Variants in LRP1B observed in about 807,000 individuals in gnomAD.
The protein encoded by LRP1B is low-density lipoprotein receptor-related protein 1B.
A neutral mutation model predicts 556.6 loss-of-function variants in LRP1B; 217 were observed. That is an observed-to-expected ratio of 0.39 (90% CI 0.35 to 0.44). The LOEUF (loss-of-function observed/expected upper bound fraction) is 0.44, where lower values mean the gene tolerates loss of function less well. Ranked by LOEUF, LRP1B falls within the 20% of genes least tolerant of loss-of-function variation. The pLI is 1.00. For missense variants in LRP1B, 5,053 were observed against 5,620.8 expected, an observed-to-expected ratio of 0.90 and a Z score of 3.23; for synonymous variants, 2,047 against 1,865.8, an observed-to-expected ratio of 1.10 and a Z score of -2.50.
intron 2 of LRP1B, among the ~76,000 whole-genome samples, chr2:141,497,492 C>A (rs1399877846): frequency 3.3e-5 from 5 of 151,994 alleles, no homozygotes; most frequent in African/African-American, 1.2e-4. Flanking sequence ...CCTAGAATAA[C>A]TGAATAAGGA....
chr2:140,895,316 T>G (rs1375042905), intron 23 of LRP1B, among the ~76,000 whole-genome samples: 1 of 152,206 alleles, frequency 6.6e-6, no homozygotes, highest in African/African-American at 2.4e-5. Context: ...AATTTGCCAG[T>G]GGGCTGCCGA....
At chr2:142,059,411 T>C (rs1704812315) in intron 1 of LRP1B, among the ~76,000 whole-genome samples, 1 of 152,130 alleles carries the variant, frequency 6.6e-6, no homozygotes, top group Admixed American at 6.6e-5. Flanking sequence ...CCTATAAAAA[T>C]GAGTTTATGT....
chr2:140,536,000 G>T (rs1159095771), intron 46 of LRP1B, among the ~76,000 whole-genome samples: 1 of 152,080 alleles, frequency 6.6e-6, no homozygotes, highest in Non-Finnish European at 1.5e-5. Context: ...ATGTGCTATT[G>T]TCTGTTGGTG....
chr2:140,362,981 G>T (rs1330834669), intron 72 of LRP1B, among the ~76,000 whole-genome samples: 1 of 151,618 alleles, frequency 6.6e-6, no homozygotes. Context: ...ATGAATGAAT[G>T]AATGACACCT....
Position 140,965,083 on chromosome 2 carries a change from A to T in LRP1B, c.2888-13143T>A, listed in dbSNP as rs75426015. 2.7e-3 allele frequency among the ~76,000 whole-genome samples: 410 copies of T among 152,350 alleles called. 1 individual carries two copies. The highest frequency in any genetic ancestry group is 3.1e-3 in the Non-Finnish European group (213 of 68,042). On this transcript the variant is annotated intron_variant, in intron 18 of 90. Transcript: ENST00000389484. Reference sequence around the variant, plus strand: ...GGTTGCACATGAGAATCACGTGAACAGGTTTTAAAAATTACCCATGCCTGA... The same window carrying T: ...GGTTGCACATGAGAATCACGTGAACTGGTTTTAAAAATTACCCATGCCTGA...
chr2:141,777,342 G>A (rs760543070), intron 2 of LRP1B, among the ~76,000 whole-genome samples: 1 of 152,162 alleles, frequency 6.6e-6, no homozygotes, highest in Non-Finnish European at 1.5e-5. Flanking sequence ...TAGGAAATTA[G>A]AGTAGAACAA....
chr2:142,112,187 G>A (rs984638395), intron 1 of LRP1B, among the ~76,000 whole-genome samples: 2 of 151,930 alleles, frequency 1.3e-5, no homozygotes, highest in African/African-American at 4.8e-5. Context: ...TCTAGTCTAG[G>A]CGATAGATCT....
At position 141,286,985 on chromosome 2, in the gene LRP1B, C is replaced by T. The variant is rs1056976116; in HGVS notation, c.344-32344G>A. On this transcript the variant is annotated intron_variant, in intron 3 of 90. Coordinates refer to ENST00000389484, the MANE Select transcript of LRP1B (RefSeq NM_018557.3). ...TTTAATTTTAGTTAATTTAAATAGC[C>T]GTATGTAGTTGGGGCAAACCATGAT... 8.5e-5 allele frequency among the ~76,000 whole-genome samples: 13 copies of T among 152,180 alleles called. No individual in the cohort carries two copies. The East Asian group carries it at 9.7e-4, about 11-fold the overall frequency.
chr2:140,412,293 A>G (rs1463937381), intron 66 of LRP1B, among the ~76,000 whole-genome samples: 1 of 152,142 alleles, frequency 6.6e-6, no homozygotes, highest in Non-Finnish European at 1.5e-5. Context: ...CGTCTGAGAT[A>G]GTTGACAATT....
chr2:140,331,686 C>T (rs1017754872), intron 79 of LRP1B, among the ~76,000 whole-genome samples: 3 of 143,070 alleles, frequency 2.1e-5, no homozygotes, highest in African/African-American at 5.1e-5. Flanking sequence ...TATATATATA[C>T]ATATATATAT....
intron 3 of LRP1B, among the ~76,000 whole-genome samples, chr2:141,349,392 A>G (rs954250590): frequency 6.6e-6 from 1 of 152,052 alleles, no homozygotes; most frequent in African/African-American, 2.4e-5. Flanking sequence ...TTTAAAGTAA[A>G]TGAGGAGAAA....
Position 141,015,774 on chromosome 2 carries a change from A to C in LRP1B, c.2112T>G (p.Phe704Leu). The change falls in exon 13 of 91, where the codon TTT becomes TTG. Residue 704 changes from phenylalanine to leucine, a missense_variant. Phe to Leu is a conservative substitution (Grantham distance 22). Transcript: ENST00000389484. ...CACACCAGTATAATGTGTTGGTGTGAAAGTCCAGAGTTAAACCGTTTGGCC... is the reference window on the plus strand; with the variant it reads ...CACACCAGTATAATGTGTTGGTGTGCAAGTCCAGAGTTAAACCGTTTGGCC... Reference protein sequence around the residue: ...MLWPNGLTLDFHTNTLYWCDA... With the variant: ...MLWPNGLTLDLHTNTLYWCDA... 1 of 1,613,560 alleles carries C rather than the reference A, an allele frequency of 6.2e-7. No homozygotes were observed. Among genetic ancestry groups the C allele is most frequent in the East Asian group, 2.2e-5 (1 of 44,706 alleles).
At chr2:140,365,425 A>G (rs903299808) in intron 71 of LRP1B, among the ~76,000 whole-genome samples, 2 of 151,756 alleles carry the variant, frequency 1.3e-5, no homozygotes, top group African/African-American at 4.8e-5. Flanking sequence ...TCAGGAATAC[A>G]AAAATATTCT....
chr2:141,735,225 G>C (rs566397961), intron 2 of LRP1B, among the ~76,000 whole-genome samples: 7 of 151,954 alleles, frequency 4.6e-5, no homozygotes, highest in African/African-American at 1.4e-4. Flanking sequence ...TAGAAAGACA[G>C]ATCTGTTGGG....
intron 1 of LRP1B, among the ~76,000 whole-genome samples, chr2:141,842,793 T>C (rs1697520237): frequency 6.6e-6 from 1 of 152,148 alleles, no homozygotes; most frequent in South Asian, 2.1e-4. Context: ...GTTTCATACA[T>C]ATCTGATTTT....
chr2:140,468,737 C>G (rs1687647464), intron 60 of LRP1B, among the ~76,000 whole-genome samples: 1 of 152,224 alleles, frequency 6.6e-6, no homozygotes, highest in Non-Finnish European at 1.5e-5. Flanking sequence ...ACAGCTTTCC[C>G]CTTCTTCTGA....
At chr2:141,682,883 A>G (rs1295594884) in intron 2 of LRP1B, among the ~76,000 whole-genome samples, 2 of 152,158 alleles carry the variant, frequency 1.3e-5, no homozygotes, top group East Asian at 3.9e-4. Flanking sequence ...ACTTGACTTT[A>G]CCATGCTCCT....
intron 7 of LRP1B, among the ~76,000 whole-genome samples, chr2:141,096,650 G>GAGAGAGAGAA (rs1700321928): frequency 8.8e-6 from 1 of 113,376 alleles, no homozygotes; most frequent in African/African-American, 3.3e-5. Context: ...GAGAGAGAGA[G>GAGAGAGAGAA]AGAGAGAGAG....
intron 41 of LRP1B, among the ~76,000 whole-genome samples, chr2:140,641,495 C>A (rs1277375059): frequency 6.6e-6 from 1 of 152,324 alleles, no homozygotes; most frequent in East Asian, 1.9e-4. Context: ...TCTCTTACCA[C>A]CTTGATAATA....
Sources: gnomAD v4.1 joint callset for allele counts (sites outside exome capture counted in the v4.1 genomes callset) on GRCh38, gnomAD v4.1.1 for gene constraint, MANE v1.5 for transcripts, NCBI Gene and HGNC (gene_info 2026-07-23, HGNC 2026-07-21) for gene names.